KPNA1: variants seen among roughly 807,000 people sequenced by gnomAD.
KPNA1 encodes karyopherin subunit alpha 1, also known as importin subunit alpha-5.
Under a neutral mutation model 70.5 loss-of-function variants are expected in KPNA1, and 10 were observed. The observed-to-expected ratio is 0.14, with a 90% CI of 0.09 to 0.24. The LOEUF is 0.24. Among genes scored for constraint, KPNA1 ranks in the 10% least tolerant of loss-of-function variants. The pLI, the probability that KPNA1 is intolerant of heterozygous loss-of-function variation, is 1.00. For missense variants in KPNA1, 397 were observed against 637.9 expected, an observed-to-expected ratio of 0.62 and a Z score of 4.07; for synonymous variants, 192 against 221.9, an observed-to-expected ratio of 0.87 and a Z score of 1.20.
At chr3:122,464,422 T>C (rs771133365) in intron 3 of KPNA1, among the ~76,000 whole-genome samples, 1 of 152,218 alleles carries the variant, frequency 6.6e-6, no homozygotes, top group Non-Finnish European at 1.5e-5. Context: ...CACAGCACCA[T>C]ATTTCAATCG....
intron 2 of KPNA1, among the ~76,000 whole-genome samples, chr3:122,484,098 CA>C (rs1020746068): frequency 6.6e-6 from 1 of 152,060 alleles, no homozygotes; most frequent in Non-Finnish European, 1.5e-5. Context: ...TAATGTACTG[CA>C]AAAGATTGAA....
intron 1 of KPNA1, among the ~76,000 whole-genome samples, chr3:122,504,651 T>C (rs2076869676): frequency 1.3e-5 from 2 of 152,150 alleles, no homozygotes; most frequent in East Asian, 3.9e-4. Flanking sequence ...TGTGTGTGCG[T>C]GTGTCTGCGC....
intron 1 of KPNA1, among the ~76,000 whole-genome samples, chr3:122,514,221 C>T (rs555192645): frequency 6.6e-6 from 1 of 152,160 alleles, no homozygotes; most frequent in Admixed American, 6.5e-5. Context: ...CCACCCCCCG[C>T]TTCCCCCACC....
chr3:122,473,258 C>A (rs971258772), intron 2 of KPNA1, among the ~76,000 whole-genome samples: 1 of 151,946 alleles, frequency 6.6e-6, no homozygotes, highest in Non-Finnish European at 1.5e-5. Context: ...CAGAAAACAC[C>A]AGGACTAGAT....
At chr3:122,490,138 T>C (rs2076680986) in intron 2 of KPNA1, among the ~76,000 whole-genome samples, 1 of 152,278 alleles carries the variant, frequency 6.6e-6, no homozygotes, top group Non-Finnish European at 1.5e-5. Context: ...CTGCTGAATA[T>C]CTGAGGAAAG....
intron 9 of KPNA1, among the ~76,000 whole-genome samples, chr3:122,444,011 C>T (rs56012903): frequency 0.023 from 3,431 of 152,260 alleles, 93 homozygotes; most frequent in East Asian, 0.12. Flanking sequence ...GAGACCAGGG[C>T]GTATTTTATG....
intron 2 of KPNA1, among the ~76,000 whole-genome samples, chr3:122,492,735 G>A (rs946323956): frequency 3.3e-5 from 5 of 152,162 alleles, no homozygotes; most frequent in African/African-American, 1.2e-4. Context: ...ACTCAACTCA[G>A]AGCCTCAAAG....
Position 122,425,545 on chromosome 3 carries a change from G to A in KPNA1, c.*1440C>T, listed in dbSNP as rs928706191. On this transcript the variant is annotated 3_prime_UTR_variant, in exon 14 of 14. Transcript: ENST00000344337. ...TGAGTCAAGATGGCCAACTAGCACC[G>A]AGAAGTCGTATTGAACTCATTTGCA... is the stretch of plus-strand genomic sequence containing the variant. 3.3e-5 allele frequency: 5 copies of A among 152,542 alleles called. No homozygotes were observed. Among genetic ancestry groups the A allele is most frequent in the African/African-American group, 9.7e-5 (4 of 41,406 alleles). The allele number at this position is 152,542 out of a possible 1,614,324, so 9.4% of individuals were successfully genotyped here. A position where few individuals can be genotyped will look rare whatever the true frequency, so the allele number is the denominator to read the frequency against.
chr3:122,462,535 G>T (rs191585134), intron 4 of KPNA1, among the ~76,000 whole-genome samples: 1 of 151,530 alleles, frequency 6.6e-6, no homozygotes, highest in Admixed American at 6.6e-5. Flanking sequence ...GAGGTATGCT[G>T]GCAAACCAGA....
At position 122,451,675 on chromosome 3, in the gene KPNA1, G is replaced by C. The variant is rs968980609; in HGVS notation, c.654-42C>G. On this transcript the variant is annotated intron_variant, in intron 7 of 13. Transcript: ENST00000344337. ...ACAATGGTAAACTATGTAACAGACA[G>C]TGATTATCTGATGACATAAATACTA... 5 of 1,241,022 alleles carry C rather than the reference G, an allele frequency of 4.0e-6. No homozygotes were observed. The African/African-American group carries it at 6.0e-5, about 15-fold the overall frequency. The allele number at this position is 1,241,022 out of a possible 1,614,324, so 76.9% of individuals were successfully genotyped here.
intron 3 of KPNA1, 67 bp from the exon 4 acceptor site, chr3:122,464,108 C>A: frequency 1.2e-6 from 1 of 813,894 alleles, no homozygotes; most frequent in Non-Finnish European, 1.9e-6. Flanking sequence ...AGAAAGATAA[C>A]AGATATCATG....
rs1380546684 is a variant in KPNA1 at position 122,433,666 on chromosome 3, C to T, written c.1245G>A (p.Gln415=). 4 of 1,599,472 alleles carry T rather than the reference C, an allele frequency of 2.5e-6. No individual in the cohort carries two copies. Among genetic ancestry groups the T allele is most frequent in the Non-Finnish European group, 3.4e-6 (4 of 1,176,296 alleles). The part of the protein sequence containing the change: ...TNATSGGSAE[Q]IKYLVELGCI... ...GCTGCCTGATTGGTACTTACTTGAT[C>T]TGTTCAGCTGATCCTCCAGAAGTTG... The change falls in exon 12 of 14, where the codon CAG becomes CAA. Residue 415 remains glutamine, a synonymous_variant. Coordinates refer to ENST00000344337, the MANE Select transcript of KPNA1 (RefSeq NM_002264.4).
chr3:122,487,274 C>T (rs1576334059), intron 2 of KPNA1, among the ~76,000 whole-genome samples: 1 of 152,178 alleles, frequency 6.6e-6, no homozygotes, highest in South Asian at 2.1e-4. Context: ...AGATGCTCAA[C>T]ATCACTTATC....
Position 122,453,939 on chromosome 3 carries a change from C to A in KPNA1, c.495G>T (p.Val165=). The change falls in exon 6 of 14, where the codon GTG becomes GTT. Residue 165 remains valine (V), a synonymous_variant. Coordinates refer to ENST00000344337, the MANE Select transcript of KPNA1 (RefSeq NM_002264.4). ...AGATGGGCACAGCTCCTGCCTGAAT[C>A]ACAATTCGGGTCTGAAGAGAATTTC... ...ASGNSLQTRI[V]IQAGAVPIFI... is the part of the protein sequence containing the mutation. The A allele has an allele frequency of 3.1e-6, 5 of 1,612,938 alleles. No homozygotes were observed. Among genetic ancestry groups the A allele is most frequent in the Non-Finnish European group, 3.4e-6 (4 of 1,179,034 alleles).
chr3:122,452,101 TTTAATTCCCTC>T (rs1451673520), intron 6 of KPNA1, 37 bp from the exon 7 acceptor site: 1 of 1,316,556 alleles, frequency 7.6e-7, no homozygotes. Context: ...GGTTACATAG[TTTAATTCCCTC>T]ATAATTCTTT....
intron 4 of KPNA1, among the ~76,000 whole-genome samples, chr3:122,463,189 A>C (rs946958185): frequency 6.6e-6 from 1 of 152,140 alleles, no homozygotes; most frequent in Non-Finnish European, 1.5e-5. Context: ...TCTACTAAAA[A>C]TACAAAAAAT....
intron 11 of KPNA1, among the ~76,000 whole-genome samples, chr3:122,436,847 G>A (rs888344688): frequency 9.9e-5 from 15 of 152,064 alleles, no homozygotes; most frequent in African/African-American, 2.9e-4. Flanking sequence ...GCACAATCTC[G>A]GCTCACTACA....
intron 2 of KPNA1, among the ~76,000 whole-genome samples, chr3:122,478,397 G>A (rs922557250): frequency 2.1e-4 from 32 of 152,042 alleles, no homozygotes; most frequent in African/African-American, 6.7e-4. Context: ...TGAGGTGGGT[G>A]GATCACCTGA....
Position 122,426,749 on chromosome 3 carries a change from C to T in KPNA1, c.*236G>A. ...GGATCTCCAAAGCCTAGGGATTTTT[C>T]CGTAAAAGAGAGTGGGCCGTTCTGG... On this transcript the variant is annotated 3_prime_UTR_variant, in exon 14 of 14. Coordinates refer to ENST00000344337, the MANE Select transcript of KPNA1 (RefSeq NM_002264.4). 2.5e-6 allele frequency: 1 copy of T among 404,134 alleles called. No homozygotes were observed. The allele number at this position is 404,134 out of a possible 1,614,324, so 25.0% of individuals were successfully genotyped here. A position where few individuals can be genotyped will look rare whatever the true frequency, so the allele number is the denominator to read the frequency against.
Sources: allele counts gnomAD v4.1 joint callset (sites outside exome capture counted in the v4.1 genomes callset), GRCh38; gene constraint gnomAD v4.1.1; transcripts MANE v1.5; gene names NCBI Gene and HGNC (gene_info 2026-07-23, HGNC 2026-07-21).